JHY: variants seen among roughly 807,000 people sequenced by gnomAD.
The protein encoded by JHY is jhy protein homolog.
Under a neutral mutation model 78.0 loss-of-function variants are expected in JHY, and 69 were observed. The observed-to-expected ratio is 0.88, with a 90% CI of 0.73 to 1.08. The LOEUF (loss-of-function observed/expected upper bound fraction) is 1.08. Among genes scored for constraint, JHY ranks in the 50% least tolerant of loss-of-function variants. The pLI is 0.00. For missense variants in JHY, 944 were observed against 927.8 expected (o/e 1.02, Z -0.23); for synonymous variants, 368 against 342.6 (o/e 1.07, Z -0.82).
In JHY at chr11:122,905,245, TCA is replaced by T. The variant is rs1367916256; in HGVS notation, c.864+804_864+805del. The T allele has an allele frequency of 2.5e-5, 40 of 1,613,922 alleles. 1 individual carries two copies. In the Admixed American group the frequency reaches 6.7e-4, roughly 27 times the overall value. On this transcript the variant is annotated intron_variant, in intron 3 of 8. Coordinates refer to ENST00000227349, the MANE Select transcript of JHY (RefSeq NM_024806.4). Reference sequence around the variant, plus strand: ...TGGAGCCAGTAAACTTAGTTCCATTTCACAGGTGCACATAAAGACCTTCCTGC... The same window carrying T: ...TGGAGCCAGTAAACTTAGTTCCATTTCAGGTGCACATAAAGACCTTCCTGC...
In JHY at chr11:122,898,651, T is replaced by G. The variant is rs1257858130; in HGVS notation, c.345-5274T>G. ...CTCTAAACAGTACAAAGTAGAGGATTACTTGTTCTAAGTTTTCCAAAAAGG... is the reference window on the plus strand; with the variant it reads ...CTCTAAACAGTACAAAGTAGAGGATGACTTGTTCTAAGTTTTCCAAAAAGG... On this transcript the variant is annotated intron_variant, in intron 2 of 8. Transcript: ENST00000227349. The surrounding 1 kb of genome is among the most constrained non-coding windows in gnomAD (Gnocchi z 4.4). Among the ~76,000 whole-genome samples the G allele has an allele frequency of 2.0e-5, 3 of 152,214 alleles. No individual in the cohort carries two copies. The highest frequency in any genetic ancestry group is 4.4e-5 in the Non-Finnish European group (3 of 68,044).
At chr11:122,916,614 TTTTGTTTTTTGTTG>T (rs1300438103) in intron 3 of JHY, among the ~76,000 whole-genome samples, 12 of 152,090 alleles carry the variant, frequency 7.9e-5, no homozygotes, top group Admixed American at 2.0e-4. Flanking sequence ...TGTTTTGGTT[TTTTGTTTTTTGTTG>T]TTTGTTTTTT....
intron 6 of JHY, among the ~76,000 whole-genome samples, chr11:122,953,810 A>AT (rs1444723056): frequency 6.6e-6 from 1 of 152,084 alleles, no homozygotes; most frequent in Non-Finnish European, 1.5e-5. Flanking sequence ...AATGTTACTA[A>AT]TTTTTTAATG....
At position 122,962,328 on chromosome 11, in the gene JHY, C is replaced by T. The variant is rs1179567262; in HGVS notation, c.*2883C>T. ...TGGAAATGTACTCCTATGTTGTATACATTTTACATATACCAAAATGTAGCA... is the reference window on the plus strand; with the variant it reads ...TGGAAATGTACTCCTATGTTGTATATATTTTACATATACCAAAATGTAGCA... On this transcript the variant is annotated 3_prime_UTR_variant, in exon 9 of 9. Coordinates refer to ENST00000227349, the MANE Select transcript of JHY (RefSeq NM_024806.4). 6.6e-6 allele frequency among the ~76,000 whole-genome samples: 1 copy of T among 152,174 alleles called. No homozygotes were observed. The highest frequency in any genetic ancestry group is 2.4e-5 in the African/African-American group (1 of 41,424).
chr11:122,911,766 G>A (rs944061357), intron 3 of JHY, among the ~76,000 whole-genome samples: 4 of 151,654 alleles, frequency 2.6e-5, no homozygotes, highest in African/African-American at 4.8e-5. Context: ...TTAGCTGAGC[G>A]TGGTGGTGCA....
intron 1 of JHY, among the ~76,000 whole-genome samples, chr11:122,884,974 AT>A (rs11314367): frequency 0.26 from 34,547 of 131,616 alleles, 4,439 homozygotes; most frequent in East Asian, 0.42. Flanking sequence ...AATTTTTTGT[AT>A]TTTTTTTTTT....
At chr11:122,892,585 G>A (rs947683859) in intron 2 of JHY, among the ~76,000 whole-genome samples, 1 of 152,120 alleles carries the variant, frequency 6.6e-6, no homozygotes, top group East Asian at 1.9e-4. Flanking sequence ...GCCTCCCAAA[G>A]TGCTGGGATT....
chr11:122,907,388 A>C (rs1259024922), intron 3 of JHY, among the ~76,000 whole-genome samples: 2 of 152,124 alleles, frequency 1.3e-5, no homozygotes, highest in African/African-American at 2.4e-5. Flanking sequence ...AAGACACTGA[A>C]AAGGCTGAGT....
chr11:122,909,406 G>A (rs1374643848), intron 3 of JHY, among the ~76,000 whole-genome samples: 1 of 152,120 alleles, frequency 6.6e-6, no homozygotes, highest in Non-Finnish European at 1.5e-5. Flanking sequence ...GCTCGGTGAC[G>A]CTCTGCAAAT....
Position 122,961,106 on chromosome 11 carries a change from G to A in JHY, c.*1661G>A. Reference sequence around the variant, plus strand: ...TTATGTAAATGTATCTATCCCAATTGAGAGAGCCAGAAACAGTTGACTGAC... The same window carrying A: ...TTATGTAAATGTATCTATCCCAATTAAGAGAGCCAGAAACAGTTGACTGAC... On this transcript the variant is annotated 3_prime_UTR_variant, in exon 9 of 9. Transcript: ENST00000227349. The A allele has an allele frequency of 1.0e-6, 1 of 986,286 alleles. No individual in the cohort carries two copies. The highest frequency in any genetic ancestry group is 2.7e-5 in the East Asian group (1 of 37,586). The allele number at this position is 986,286 out of a possible 1,614,324, so 61.1% of individuals were successfully genotyped here.
chr11:122,890,061 T>C (rs1409226180), intron 2 of JHY, among the ~76,000 whole-genome samples: 4 of 151,608 alleles, frequency 2.6e-5, no homozygotes, highest in Non-Finnish European at 5.9e-5. Context: ...TTTCTTGTTT[T>C]TTTTTTTCCA....
At position 122,946,679 on chromosome 11, in the gene JHY, C is replaced by G. The variant is rs756601247; in HGVS notation, c.1816C>G (p.Leu606Val). 5 of 1,614,084 alleles carry G rather than the reference C, an allele frequency of 3.1e-6. No homozygotes were observed. The highest frequency in any genetic ancestry group is 2.2e-5 in the South Asian group (2 of 91,084). Residue 606 changes from leucine to valine, a missense_variant, in exon 6 of 9, where the codon CTC (leucine) becomes GTC (valine). By Grantham distance (32) the Leu-to-Val change is conservative. Transcript: ENST00000227349. ...GTCAAGGGTAGAAAGTGAATCCCAA[C>G]TCAGTTCAGAGAGAAGCCAAAGAAA... ...ILSRVESESQ[L>V]SSERSQRNQV...
intron 5 of JHY, among the ~76,000 whole-genome samples, chr11:122,942,559 G>T (rs1863895216): frequency 6.6e-6 from 1 of 152,062 alleles, no homozygotes; most frequent in Non-Finnish European, 1.5e-5. Context: ...AAGTAGCTGG[G>T]ATTACAGGCA....
In JHY at chr11:122,934,446, TG is replaced by T; in HGVS notation, c.1006del (p.Glu336LysfsTer17). On this transcript the variant is annotated frameshift_variant, in exon 5 of 9. Transcript: ENST00000227349. LOFTEE classifies it high-confidence loss of function. Reference protein sequence around the residue: ...KNYQEHWSQYESTKSSNVPRG... With the variant: ...KNYQEHWSQYXSTKSSNVPRG... ...ATTACCAGGAACACTGGTCTCAATATGAAAGTACAAAATCAAGCAATGTACC... is the reference window on the plus strand; with the variant it reads ...ATTACCAGGAACACTGGTCTCAATATAAAGTACAAAATCAAGCAATGTACC... The T allele has an allele frequency of 6.2e-7, 1 of 1,613,346 alleles. No individual in the cohort carries two copies. The highest frequency in any genetic ancestry group is 8.5e-7 in the Non-Finnish European group (1 of 1,179,546).
intron 3 of JHY, among the ~76,000 whole-genome samples, chr11:122,921,419 C>A (rs190545115): frequency 1.1e-4 from 17 of 152,138 alleles, no homozygotes; most frequent in Non-Finnish European, 2.2e-4. Flanking sequence ...AGGCTCCAGA[C>A]GACAGTTTCT....
intron 2 of JHY, among the ~76,000 whole-genome samples, chr11:122,900,596 T>C (rs1170840731): frequency 1.3e-5 from 2 of 148,988 alleles, no homozygotes; most frequent in Admixed American, 6.8e-5. Flanking sequence ...GACTTTATAT[T>C]GGGTCACATG....
intron 3 of JHY, among the ~76,000 whole-genome samples, chr11:122,923,586 T>C (rs1393881995): frequency 6.6e-6 from 1 of 152,216 alleles, no homozygotes; most frequent in East Asian, 1.9e-4. Context: ...AGGTAACTAA[T>C]GGAGGCAATG....
intron 5 of JHY, among the ~76,000 whole-genome samples, chr11:122,942,671 G>T (rs1863897699): frequency 6.6e-6 from 1 of 151,916 alleles, no homozygotes; most frequent in South Asian, 2.1e-4. Flanking sequence ...TGATCCACCT[G>T]CCTTGGCCTC....
At position 122,961,248 on chromosome 11, in the gene JHY, T is replaced by C. The variant is rs960997340; in HGVS notation, c.*1803T>C. On this transcript the variant is annotated 3_prime_UTR_variant, in exon 9 of 9. Coordinates refer to ENST00000227349, the MANE Select transcript of JHY (RefSeq NM_024806.4). ...CCCTATACTGAGAGAACTCAATCTA[T>C]TGGCCAATCAGATGTTTCCCATCCT... is the stretch of plus-strand genomic sequence containing the variant. Among the ~76,000 whole-genome samples the C allele has an allele frequency of 8.5e-5, 13 of 152,204 alleles. No homozygotes were observed. Among genetic ancestry groups the C allele is most frequent in the African/African-American group, 3.1e-4 (13 of 41,452 alleles).
Sources: allele counts gnomAD v4.1 joint callset (sites outside exome capture counted in the v4.1 genomes callset), GRCh38; gene constraint gnomAD v4.1.1; non-coding constraint Gnocchi (gnomAD v3.1); transcripts MANE v1.5; gene names NCBI Gene and HGNC (gene_info 2026-07-23, HGNC 2026-07-21).